The following PPP6R3 variants were observed in gnomAD, a reference collection of about 807,000 sequenced individuals.
The protein encoded by PPP6R3 is serine/threonine-protein phosphatase 6 regulatory subunit 3.
A neutral mutation model predicts 110.7 loss-of-function variants in PPP6R3; 38 were observed. That is an observed-to-expected ratio of 0.34 (90% CI 0.26 to 0.45). The LOEUF (loss-of-function observed/expected upper bound fraction) is 0.45, where lower values mean the gene tolerates loss of function less well. PPP6R3 is among the 20% of genes least tolerant of loss of function. The pLI is 1.00. For synonymous variants in PPP6R3, 369 were observed against 373.5 expected (o/e 0.99, Z 0.14); for missense variants, 870 against 1,062.4 (o/e 0.82, Z 2.52).
At chr11:68,475,052 G>A (rs926173447) in intron 1 of PPP6R3, among the ~76,000 whole-genome samples, 1 of 152,136 alleles carries the variant, frequency 6.6e-6, no homozygotes, top group Non-Finnish European at 1.5e-5. Flanking sequence ...CCTAGGCAGA[G>A]GACCCTGCGG....
intron 7 of PPP6R3, among the ~76,000 whole-genome samples, chr11:68,557,006 T>G (rs1479363298): frequency 2.0e-5 from 3 of 152,236 alleles, no homozygotes; most frequent in Non-Finnish European, 2.9e-5. Flanking sequence ...TTGACGAAAG[T>G]GACAGTGCCC....
chr11:68,509,359 C>T (rs2099095676), intron 1 of PPP6R3, among the ~76,000 whole-genome samples: 1 of 152,116 alleles, frequency 6.6e-6, no homozygotes, highest in Admixed American at 6.6e-5. Context: ...GGATAGGAAA[C>T]CTTGGATCTT....
chr11:68,534,466 T>C (rs1373887216), intron 2 of PPP6R3, among the ~76,000 whole-genome samples: 1 of 152,204 alleles, frequency 6.6e-6, no homozygotes, highest in Non-Finnish European at 1.5e-5. Context: ...CACAACTAAT[T>C]ACCACTCTTC....
At chr11:68,573,334 A>G (rs1286303755) in intron 12 of PPP6R3, among the ~76,000 whole-genome samples, 1 of 151,324 alleles carries the variant, frequency 6.6e-6, no homozygotes, top group Non-Finnish European at 1.5e-5. Flanking sequence ...TATTTTTAGT[A>G]GAGATGGGGT....
At chr11:68,474,123 C>T (rs1003073615) in intron 1 of PPP6R3, among the ~76,000 whole-genome samples, 32 of 150,750 alleles carry the variant, frequency 2.1e-4, no homozygotes, top group African/African-American at 7.3e-4. Flanking sequence ...TAGCTTACTA[C>T]AGCTTCAAAC....
At chr11:68,474,701 C>T (rs1181485647) in intron 1 of PPP6R3, among the ~76,000 whole-genome samples, 4 of 152,074 alleles carry the variant, frequency 2.6e-5, no homozygotes, top group African/African-American at 9.7e-5. Flanking sequence ...TGTTTTCTGT[C>T]TCAGATTTTT....
chr11:68,501,236 AG>A (rs1429265124), intron 1 of PPP6R3, among the ~76,000 whole-genome samples: 2 of 152,234 alleles, frequency 1.3e-5, no homozygotes, highest in African/African-American at 4.8e-5. Flanking sequence ...AGTGTTCTCC[AG>A]TCTCTTTCTT....
At chr11:68,583,586 GAAGT>G (rs2153827470) in intron 15 of PPP6R3, among the ~76,000 whole-genome samples, 1 of 152,308 alleles carries the variant, frequency 6.6e-6, no homozygotes, top group South Asian at 2.1e-4. Flanking sequence ...ATTTTTAGTT[GAAGT>G]AATTCATTGC....
chr11:68,572,811 C>T (rs1328580544), intron 12 of PPP6R3, among the ~76,000 whole-genome samples: 1 of 151,910 alleles, frequency 6.6e-6, no homozygotes, highest in African/African-American at 2.4e-5. Flanking sequence ...CACTGCACTC[C>T]AGCCTGGATG....
intron 21 of PPP6R3, among the ~76,000 whole-genome samples, chr11:68,602,608 G>A (rs1250176595): frequency 6.6e-6 from 1 of 152,102 alleles, no homozygotes; most frequent in Non-Finnish European, 1.5e-5. Flanking sequence ...ATGAAATGAG[G>A]TTTTGGTAGA....
chr11:68,570,904 A>G (rs888732219), intron 11 of PPP6R3, 136 bp from the exon 12 acceptor site: 2 of 1,067,794 alleles, frequency 1.9e-6, no homozygotes, highest in African/African-American at 3.3e-5. Flanking sequence ...ATTGATGATC[A>G]CATTGCATTT....
At chr11:68,520,075 A>G (rs1206091841) in intron 2 of PPP6R3, among the ~76,000 whole-genome samples, 1 of 152,162 alleles carries the variant, frequency 6.6e-6, no homozygotes, top group Non-Finnish European at 1.5e-5. Context: ...CTGAGTCCTA[A>G]TCTCCATCAC....
At chr11:68,516,821 C>A (rs78244872) in intron 1 of PPP6R3, among the ~76,000 whole-genome samples, 3 of 152,122 alleles carry the variant, frequency 2.0e-5, no homozygotes, top group African/African-American at 7.2e-5. Context: ...ACCAATAGTG[C>A]GCAAGAGTTC....
At chr11:68,476,140 G>A (rs187948768) in intron 1 of PPP6R3, among the ~76,000 whole-genome samples, 7 of 152,318 alleles carry the variant, frequency 4.6e-5, no homozygotes, top group African/African-American at 1.7e-4. Flanking sequence ...GTAGCTAGCC[G>A]AGATCACGCC....
intron 1 of PPP6R3, among the ~76,000 whole-genome samples, chr11:68,467,431 G>T (rs1252431635): frequency 6.6e-6 from 1 of 152,244 alleles, no homozygotes; most frequent in Admixed American, 6.5e-5. Flanking sequence ...GACTAAAACG[G>T]CTGCAGACTG....
chr11:68,465,307 C>T (rs1015619728), intron 1 of PPP6R3, among the ~76,000 whole-genome samples: 40 of 152,316 alleles, frequency 2.6e-4, no homozygotes, highest in African/African-American at 8.9e-4. Flanking sequence ...CACAGTGATC[C>T]TGCCCACTGG....
chr11:68,612,103 T>G (rs915655938), intron 23 of PPP6R3, among the ~76,000 whole-genome samples: 1 of 152,236 alleles, frequency 6.6e-6, no homozygotes, highest in African/African-American at 2.4e-5. Context: ...AAAACAGAAC[T>G]GAGAGGGGCT....
chr11:68,577,266 A>G (rs2099535453), intron 14 of PPP6R3, among the ~76,000 whole-genome samples: 1 of 152,172 alleles, frequency 6.6e-6, no homozygotes. Flanking sequence ...AGATACTCGG[A>G]CTATCGTTTA....
Position 68,614,774 on chromosome 11 carries a change from T to C in PPP6R3, c.*1657T>C. On this transcript the variant is annotated 3_prime_UTR_variant, in exon 24 of 24. Coordinates refer to ENST00000393800, the MANE Select transcript of PPP6R3 (RefSeq NM_001164161.2). ...GAGCCCCTCTCTGAAGAGACTGTCC[T>C]TGGGCCTCCTCTGGAAGCAGCACCC... 6.5e-7 allele frequency: 1 copy of C among 1,540,972 alleles called. No homozygotes were observed. Among genetic ancestry groups the C allele is most frequent in the Non-Finnish European group, 8.8e-7 (1 of 1,138,980 alleles).
Sources: allele counts gnomAD v4.1 joint callset (sites outside exome capture counted in the v4.1 genomes callset), GRCh38; gene constraint gnomAD v4.1.1; transcripts MANE v1.5; gene names NCBI Gene and HGNC (gene_info 2026-07-23, HGNC 2026-07-21).